Variants in PLIN5 observed in about 807,000 individuals in gnomAD.
PLIN5 encodes perilipin-5.
A neutral mutation model predicts 32.8 loss-of-function variants in PLIN5; 34 were observed. The ratio of observed to expected loss-of-function variants is 1.04; its 90% confidence interval spans 0.79 to 1.38. PLIN5 has a LOEUF of 1.38. Among genes scored for constraint, PLIN5 ranks in the 40% most tolerant of loss-of-function variants. The probability of loss-of-function intolerance (pLI) is 0.00; values close to 1 mark genes in which losing one functional copy is unlikely to be tolerated. For synonymous variants in PLIN5, 309 were observed against 292.9 expected (o/e 1.05, Z -0.56); for missense variants, 712 against 660.5 (o/e 1.08, Z -0.85).
At chr19:4,535,126 CG>C (rs112419213) in intron 1 of PLIN5, 38 bp downstream of exon 1, 13,141 of 152,140 alleles carry the variant, frequency 0.086, 729 homozygotes, top group African/African-American at 0.15. Context: ...CTCCTAAGCC[CG>C]GGGGGGCGCT....
chr19:4,534,246 G>T (rs111473003), intron 1 of PLIN5, 151 bp from the exon 2 acceptor site: 375 of 666,120 alleles, frequency 5.6e-4, no homozygotes, highest in African/African-American at 4.6e-3. Context: ...GACAATGCAT[G>T]TCCAGAGCTC....
Position 4,529,826 on chromosome 19 carries a change from C to CT in PLIN5, c.296dup (p.Leu100AlafsTer80). On this transcript the variant is annotated frameshift_variant, in exon 4 of 8. Coordinates refer to ENST00000381848, the MANE Select transcript of PLIN5 (RefSeq NM_001013706.3). LOFTEE classifies it high-confidence loss of function. ...GGAGAAAGGGAAGCTTCTCTTCCAG[C>CT]TTGTCCAGGCCCCTGCAGGCGAGGC... 1 of 1,611,944 alleles carries CT rather than the reference C, an allele frequency of 6.2e-7. No homozygotes were observed. Among genetic ancestry groups the CT allele is most frequent in the Non-Finnish European group, 8.5e-7 (1 of 1,178,596 alleles).
At position 4,531,684 on chromosome 19, in the gene PLIN5, G is replaced by A. The variant is rs781587221; in HGVS notation, c.199C>T (p.Leu67=). The change falls in exon 3 of 8, where the codon CTG becomes TTG. Residue 67 remains leucine, a synonymous_variant. Transcript: ENST00000381848. ...CRLAENCVCG[L]TTRALDHAQP... ...GCGTGGTCCAGGGCACGGGTGGTCA[G>A]GCCGCACACGCAGTTCTCAGCCAGG... The A allele has an allele frequency of 6.4e-6, 10 of 1,551,882 alleles. No individual in the cohort carries two copies. The South Asian group carries it at 1.2e-4, about 18-fold the overall frequency.
In PLIN5 at chr19:4,529,847, G is replaced by A. The variant is rs746004625; in HGVS notation, c.276C>T (p.Leu92=). The change falls in exon 4 of 8, where the codon CTC becomes CTT. Residue 92 remains leucine, a synonymous_variant. Transcript: ENST00000381848. ...LQPQLATMNS[L]ACRGLDKLEE... ...CCAGCTTGTCCAGGCCCCTGCAGGCGAGGCTGTTCATAGTGGCCACTGAAG... is the reference window on the plus strand; with the variant it reads ...CCAGCTTGTCCAGGCCCCTGCAGGCAAGGCTGTTCATAGTGGCCACTGAAG... The A allele has an allele frequency of 3.7e-6, 6 of 1,607,830 alleles. No homozygotes were observed. In the South Asian group the frequency reaches 5.5e-5, roughly 15 times the overall value.
intron 2 of PLIN5, 140 bp downstream of exon 2, chr19:4,533,875 C>T (rs1157885185): frequency 1.0e-6 from 1 of 1,004,322 alleles, no homozygotes; most frequent in Non-Finnish European, 1.5e-6. Flanking sequence ...CCATCCCCTC[C>T]ATGGACCAAA....
intron 5 of PLIN5, among the ~76,000 whole-genome samples, chr19:4,527,266 G>A (rs944730023): frequency 4.0e-5 from 6 of 151,758 alleles, no homozygotes; most frequent in African/African-American, 4.8e-5. Context: ...TAGTAGAGAC[G>A]GGGTTTCACC....
intron 1 of PLIN5, 24 bp from the exon 2 acceptor site, chr19:4,534,119 G>A (rs1196754128): frequency 6.3e-7 from 1 of 1,584,734 alleles, no homozygotes; most frequent in Non-Finnish European, 8.6e-7. Context: ...TTGAGTAAGG[G>A]GAGCACCTGC....
chr19:4,534,890 G>A (rs191323456), intron 1 of PLIN5, among the ~76,000 whole-genome samples: 1 of 152,318 alleles, frequency 6.6e-6, no homozygotes, highest in Admixed American at 6.5e-5. Context: ...TGGTCCCAAG[G>A]TCACGCAGCC....
In PLIN5 at chr19:4,529,765, G is replaced by T. The variant is rs1463703970; in HGVS notation, c.339+19C>A. 1.9e-6 allele frequency: 3 copies of T among 1,606,112 alleles called. No homozygotes were observed. Among genetic ancestry groups the T allele is most frequent in the South Asian group, 2.2e-5 (2 of 90,806 alleles). On this transcript the variant is annotated intron_variant, in intron 4 of 7. Transcript: ENST00000381848. ...GCCTGCCCCCACTGGAGGTCCCCAT[G>T]TCTAGTCGTCCGGGGTACCGTCTCC...
Position 4,523,130 on chromosome 19 carries a change from G to A in PLIN5, c.*398C>T, listed in dbSNP as rs1388418925. The A allele has an allele frequency of 6.3e-6, 1 of 159,494 alleles. No individual in the cohort carries two copies. Among genetic ancestry groups the A allele is most frequent in the Non-Finnish European group, 1.3e-5 (1 of 75,536 alleles). 9.9% of individuals were successfully genotyped at this position (159,494 alleles called of 1,614,324 possible). On this transcript the variant is annotated 3_prime_UTR_variant, in exon 8 of 8. Transcript: ENST00000381848. This position sits in a 1 kb window ranked among gnomAD's most constrained non-coding sequence, Gnocchi z 5.0. Reference sequence around the variant, plus strand: ...AGTAGAGACAGGGTTTCATCATGTTGGCCAGGATGATCCCGAACTCCTGAC... The same window carrying A: ...AGTAGAGACAGGGTTTCATCATGTTAGCCAGGATGATCCCGAACTCCTGAC...
chr19:4,533,662 G>C lies in PLIN5; in HGVS notation c.60+353C>G, dbSNP rs1461957259. 8 of 460,876 alleles carry C rather than the reference G, an allele frequency of 1.7e-5. No individual in the cohort carries two copies. In the East Asian group the frequency reaches 2.6e-4, roughly 15 times the overall value. 28.5% of individuals were successfully genotyped at this position (460,876 alleles called of 1,614,324 possible). A position where few individuals can be genotyped will look rare whatever the true frequency, so the allele number is the denominator to read the frequency against. ...CAATATACATGAAACGGTTGGAACT[G>C]TGACTGATACAGTGATTGCTGCTCT... On this transcript the variant is annotated intron_variant, in intron 2 of 7. Transcript: ENST00000381848.
At chr19:4,527,378 A>T (rs1286262458) in intron 5 of PLIN5, among the ~76,000 whole-genome samples, 2 of 151,874 alleles carry the variant, frequency 1.3e-5, no homozygotes, top group East Asian at 3.9e-4. Context: ...GGCCTAAAAA[A>T]AAATTTTTAA....
rs573396132 is a variant in PLIN5, at chr19:4,523,453, C to T, written c.*75G>A. 1.6e-3 allele frequency: 2,361 copies of T among 1,466,332 alleles called. 3 individuals are homozygous for T. The highest frequency in any genetic ancestry group is 2.0e-3 in the Non-Finnish European group (2,229 of 1,098,794). 90.8% of individuals were successfully genotyped at this position (1,466,332 alleles called of 1,614,324 possible). ...GGTCAAGGCCAAGGCCTCGAGCTTACGTGTGGCCACCAGGGGGCAGCAGGG... is the reference window on the plus strand; with the variant it reads ...GGTCAAGGCCAAGGCCTCGAGCTTATGTGTGGCCACCAGGGGGCAGCAGGG... On this transcript the variant is annotated 3_prime_UTR_variant, in exon 8 of 8. Transcript: ENST00000381848. This position sits in a 1 kb window ranked among gnomAD's most constrained non-coding sequence, Gnocchi z 5.0.
At chr19:4,529,570 A>C (rs1976855189) in intron 4 of PLIN5, 4 of 509,804 alleles carry the variant, frequency 7.8e-6, no homozygotes, top group Non-Finnish European at 1.4e-5. Context: ...ACTTATACGT[A>C]TATATACATA....
chr19:4,534,264 A>G, intron 1 of PLIN5, 169 bp from the exon 2 acceptor site: 1 of 617,714 alleles, frequency 1.6e-6, no homozygotes, highest in East Asian at 2.8e-5. Context: ...CTCTGTACAC[A>G]GAGGGTGTCC....
chr19:4,526,464 C>T (rs570425698), intron 5 of PLIN5, among the ~76,000 whole-genome samples: 55 of 152,276 alleles, frequency 3.6e-4, no homozygotes, highest in African/African-American at 1.2e-3. Context: ...TCAATTGATC[C>T]GCCTGCCTGG....
rs1976755246 is a variant in PLIN5, at chr19:4,523,441, G to C, written c.*87C>G. The C allele has an allele frequency of 7.0e-7, 1 of 1,423,886 alleles. No individual in the cohort carries two copies. Among genetic ancestry groups the C allele is most frequent in the Non-Finnish European group, 9.4e-7 (1 of 1,063,450 alleles). The allele number at this position is 1,423,886 out of a possible 1,614,324, so 88.2% of individuals were successfully genotyped here. On this transcript the variant is annotated 3_prime_UTR_variant, in exon 8 of 8. Coordinates refer to ENST00000381848, the MANE Select transcript of PLIN5 (RefSeq NM_001013706.3). The surrounding 1 kb of genome is among the most constrained non-coding windows in gnomAD (Gnocchi z 5.0). ...ATTCCAAAGAAGGGTCAAGGCCAAG[G>C]CCTCGAGCTTACGTGTGGCCACCAG...
At position 4,525,185 on chromosome 19, in the gene PLIN5, G is replaced by A. The variant is rs1039969124; in HGVS notation, c.721-109C>T. On this transcript the variant is annotated intron_variant, in intron 6 of 7. Coordinates refer to ENST00000381848, the MANE Select transcript of PLIN5 (RefSeq NM_001013706.3). The surrounding 1 kb of genome is among the most constrained non-coding windows in gnomAD (Gnocchi z 5.6). ...GGCCTCAGTAAGCATTTAGGAGACC[G>A]AGGCAGGTTGTGCAGGGCCGTGGGG... 25 of 690,084 alleles carry A rather than the reference G, an allele frequency of 3.6e-5. No individual in the cohort carries two copies. The highest frequency in any genetic ancestry group is 4.2e-4 in the Middle Eastern group (1 of 2,386). The allele number at this position is 690,084 out of a possible 1,614,324, so 42.7% of individuals were successfully genotyped here.
chr19:4,525,987 C>T lies in PLIN5; in HGVS notation c.521-155G>A. The T allele has an allele frequency of 6.6e-6, 5 of 759,538 alleles. No individual in the cohort carries two copies. Among genetic ancestry groups the T allele is most frequent in the South Asian group, 1.8e-5 (1 of 56,020 alleles). The allele number at this position is 759,538 out of a possible 1,614,324, so 47.0% of individuals were successfully genotyped here. On this transcript the variant is annotated intron_variant, in intron 5 of 7. Transcript: ENST00000381848. The surrounding 1 kb of genome is among the most constrained non-coding windows in gnomAD (Gnocchi z 5.6). ...AGCATGGGGTCAGCACAGCCACCCACCCCCTCCACATCTGCTCACCCACCT... is the reference window on the plus strand; with the variant it reads ...AGCATGGGGTCAGCACAGCCACCCATCCCCTCCACATCTGCTCACCCACCT...
Sources: allele counts gnomAD v4.1 joint callset (sites outside exome capture counted in the v4.1 genomes callset), GRCh38; gene constraint gnomAD v4.1.1; non-coding constraint Gnocchi (gnomAD v3.1); transcripts MANE v1.5; gene names NCBI Gene and HGNC (gene_info 2026-07-23, HGNC 2026-07-21).